The following PDGFC variants were observed in gnomAD, a reference collection of about 807,000 sequenced individuals.
The protein encoded by PDGFC is platelet-derived growth factor C.
Under a neutral mutation model 35.5 loss-of-function variants are expected in PDGFC, and 12 were observed. That is an observed-to-expected ratio of 0.34 (90% CI 0.22 to 0.55). PDGFC has a LOEUF of 0.55. Among genes scored for constraint, PDGFC ranks in the 20% least tolerant of loss-of-function variants. The probability of loss-of-function intolerance (pLI) is 0.91; values close to 1 mark genes in which losing one functional copy is unlikely to be tolerated. For synonymous variants in PDGFC, 159 were observed against 148.8 expected (o/e 1.07, Z -0.50); for missense variants, 322 against 412.4 (o/e 0.78, Z 1.90).
intron 2 of PDGFC, among the ~76,000 whole-genome samples, chr4:156,848,531 C>T (rs1729378778): frequency 6.6e-6 from 1 of 151,846 alleles, no homozygotes; most frequent in South Asian, 2.1e-4. Flanking sequence ...ACGTCAAAGA[C>T]AACAAATGAT....
At chr4:156,828,959 T>C (rs1390207584) in intron 2 of PDGFC, among the ~76,000 whole-genome samples, 3 of 152,160 alleles carry the variant, frequency 2.0e-5, no homozygotes, top group Non-Finnish European at 2.9e-5. Context: ...CACTAGAGAA[T>C]GGGATTCTGT....
At chr4:156,852,944 T>G (rs2111090503) in intron 1 of PDGFC, among the ~76,000 whole-genome samples, 1 of 152,304 alleles carries the variant, frequency 6.6e-6, no homozygotes, top group South Asian at 2.1e-4. Context: ...AAGCAGACTG[T>G]TCTCTACAGC....
intron 1 of PDGFC, among the ~76,000 whole-genome samples, chr4:156,862,726 T>TC (rs1729743259): frequency 1.3e-5 from 1 of 77,850 alleles, no homozygotes; most frequent in Admixed American, 1.3e-4. Context: ...TCTCTCTCTC[T>TC]TTTTTTTTTT....
intron 1 of PDGFC, among the ~76,000 whole-genome samples, chr4:156,885,487 T>G (rs549617776): frequency 6.6e-6 from 1 of 152,264 alleles, no homozygotes; most frequent in African/African-American, 2.4e-5. Context: ...GCTTTATGCC[T>G]TTAATTTCTA....
chr4:156,821,193 G>A (rs112232737), intron 2 of PDGFC, among the ~76,000 whole-genome samples: 3 of 95,974 alleles, frequency 3.1e-5, no homozygotes, highest in African/African-American at 5.1e-5. Flanking sequence ...GTGTGTGTGT[G>A]TATGTGTGTG....
At chr4:156,817,927 C>T (rs112217531) in intron 2 of PDGFC, among the ~76,000 whole-genome samples, 4 of 151,174 alleles carry the variant, frequency 2.6e-5, no homozygotes, top group South Asian at 2.1e-4. Context: ...GGCGTGGTGG[C>T]GGATGCCTGT....
intron 1 of PDGFC, among the ~76,000 whole-genome samples, chr4:156,854,295 C>T (rs1729522499): frequency 6.6e-6 from 1 of 152,124 alleles, no homozygotes; most frequent in African/African-American, 2.4e-5. Context: ...GAGAAAACTA[C>T]ATAGCTATTA....
In PDGFC at chr4:156,886,326, T is replaced by C. The variant is rs180855688; in HGVS notation, c.119-35910A>G. Among the ~76,000 whole-genome samples, 152 of 152,322 alleles carry C rather than the reference T, an allele frequency of 1.0e-3. No individual in the cohort carries two copies. In the Middle Eastern group the frequency reaches 0.01, roughly 10 times the overall value. On this transcript the variant is annotated intron_variant, in intron 1 of 5. Coordinates refer to ENST00000502773, the MANE Select transcript of PDGFC (RefSeq NM_016205.3). ...AACTCTCTTGCAATAAGTGCAGTAT[T>C]CCTAAAAGACCAAAAGGTTAACTGC...
At chr4:156,820,821 T>C (rs1337949928) in intron 2 of PDGFC, among the ~76,000 whole-genome samples, 1 of 152,058 alleles carries the variant, frequency 6.6e-6, no homozygotes, top group Admixed American at 6.5e-5. Context: ...AAATTTCAAA[T>C]CAAGGTAAAA....
intron 1 of PDGFC, among the ~76,000 whole-genome samples, chr4:156,896,749 G>C (rs1730642160): frequency 6.6e-6 from 1 of 152,192 alleles, no homozygotes; most frequent in Non-Finnish European, 1.5e-5. Flanking sequence ...AAAGGGGATA[G>C]AGGGTAGGAA....
At chr4:156,944,102 C>G (rs995022618) in intron 1 of PDGFC, among the ~76,000 whole-genome samples, 1 of 152,130 alleles carries the variant, frequency 6.6e-6, no homozygotes, top group Non-Finnish European at 1.5e-5. Flanking sequence ...GGCACTGTAA[C>G]GATTAAAGGC....
chr4:156,781,983 G>T (rs1730992394), intron 3 of PDGFC, among the ~76,000 whole-genome samples: 1 of 152,042 alleles, frequency 6.6e-6, no homozygotes, highest in African/African-American at 2.4e-5. Flanking sequence ...ATTGATGTTG[G>T]TCTGTGTTAC....
chr4:156,802,165 T>C (rs943676879), intron 3 of PDGFC, among the ~76,000 whole-genome samples: 3 of 152,216 alleles, frequency 2.0e-5, no homozygotes, highest in African/African-American at 7.2e-5. Flanking sequence ...TTGATGATTC[T>C]GTGTTGTTTT....
intron 1 of PDGFC, among the ~76,000 whole-genome samples, chr4:156,951,836 T>C (rs1371173653): frequency 6.6e-6 from 1 of 151,502 alleles, no homozygotes; most frequent in African/African-American, 2.4e-5. Flanking sequence ...CAGCCTCCAA[T>C]ATGCTCCACA....
At chr4:156,767,701 A>C in intron 5 of PDGFC, 72 bp downstream of exon 5, 1 of 922,124 alleles carries the variant, frequency 1.1e-6, no homozygotes, top group Middle Eastern at 2.2e-4. Context: ...ACATAAACGC[A>C]TTTCAGATTC....
In PDGFC at chr4:156,910,244, A is replaced by C. The variant is rs907326776; in HGVS notation, c.119-59828T>G. Among the ~76,000 whole-genome samples, 10 of 152,298 alleles carry C rather than the reference A, an allele frequency of 6.6e-5. No homozygotes were observed. The East Asian group carries it at 1.9e-3, about 29-fold the overall frequency. ...TTCTGTAATGATTGTAGACTCACAAAGTTGCAAAAATAGTGCACAATGTCC... is the reference window on the plus strand; with the variant it reads ...TTCTGTAATGATTGTAGACTCACAACGTTGCAAAAATAGTGCACAATGTCC... On this transcript the variant is annotated intron_variant, in intron 1 of 5. Coordinates refer to ENST00000502773, the MANE Select transcript of PDGFC (RefSeq NM_016205.3).
chr4:156,871,530 G>A (rs1378353005), intron 1 of PDGFC, among the ~76,000 whole-genome samples: 8 of 151,758 alleles, frequency 5.3e-5, no homozygotes, highest in African/African-American at 1.2e-4. Flanking sequence ...TATCAATCTC[G>A]GCTTATTTTA....
intron 1 of PDGFC, among the ~76,000 whole-genome samples, chr4:156,863,032 AC>A (rs1391614460): frequency 3.3e-5 from 5 of 152,230 alleles, no homozygotes; most frequent in Middle Eastern, 3.4e-3. Context: ...TTTTCCGATT[AC>A]AAAAAACCTT....
In PDGFC at chr4:156,881,586, C is replaced by T. The variant is rs116501905; in HGVS notation, c.119-31170G>A. Among the ~76,000 whole-genome samples, 1,013 of 152,146 alleles carry T rather than the reference C, an allele frequency of 6.7e-3. 5 individuals carry two copies. The highest frequency in any genetic ancestry group is 9.8e-3 in the Non-Finnish European group (669 of 67,992). ...CTGATGGCTTAAAAAATGGGAGTTA[C>T]TTTGGGAGGCTGAGGCAGTGGATCG... On this transcript the variant is annotated intron_variant, in intron 1 of 5. Coordinates refer to ENST00000502773, the MANE Select transcript of PDGFC (RefSeq NM_016205.3).
Sources: allele counts gnomAD v4.1 joint callset (sites outside exome capture counted in the v4.1 genomes callset), GRCh38; gene constraint gnomAD v4.1.1; transcripts MANE v1.5; gene names NCBI Gene and HGNC (gene_info 2026-07-23, HGNC 2026-07-21).